Variants in LAMA3 observed in about 807,000 individuals in gnomAD.
The protein encoded by LAMA3 is laminin subunit alpha 3.
LAMA3 carries 281 observed loss-of-function variants against 402.0 expected under a neutral mutation model. The ratio of observed to expected loss-of-function variants is 0.70; its 90% CI spans 0.63 to 0.77. LAMA3 has a LOEUF of 0.77. LAMA3 is among the 30% of genes least tolerant of loss of function. The pLI is 0.00. For synonymous variants in LAMA3, 1,431 were observed against 1,558.4 expected (o/e 0.92, Z 1.93); for missense variants, 3,840 against 4,215.5 (o/e 0.91, Z 2.47).
chr18:23,819,867 A>G lies in LAMA3; in HGVS notation c.2174A>G (p.Asp725Gly). The G allele has an allele frequency of 6.2e-7, 1 of 1,614,106 alleles. No homozygotes were observed. Among genetic ancestry groups the G allele is most frequent in the Non-Finnish European group, 8.5e-7 (1 of 1,179,982 alleles). ...QRPENNYYFP[D>G]LHHMKYEIED... ...CCTGAAAACAACTACTATTTCCCAG[A>G]TTTGCATCATATGAAGTATGAGATT... Residue 725 changes from aspartate to glycine, a missense_variant, in exon 19 of 75, where the codon GAT becomes GGT. Asp to Gly is a moderately conservative substitution (Grantham distance 94, BLOSUM62 -1). Transcript: ENST00000313654.
rs779703974 is a variant in LAMA3 at position 23,946,301 on chromosome 18, A to G, written c.9351+17A>G. Reference sequence around the variant, plus strand: ...AAACCAAAGGTAAATAGTTATGTTCAGAGCCATGGACAGAAACAATTCACC... The same window carrying G: ...AAACCAAAGGTAAATAGTTATGTTCGGAGCCATGGACAGAAACAATTCACC... On this transcript the variant is annotated intron_variant, in intron 70 of 74. Coordinates refer to ENST00000313654, the MANE Select transcript of LAMA3 (RefSeq NM_198129.4). The G allele has an allele frequency of 3.3e-5, 53 of 1,612,912 alleles. 1 individual carries two copies. In the South Asian group the frequency reaches 5.5e-4, roughly 17 times the overall value.
At chr18:23,758,760 C>T (rs747978426) in intron 7 of LAMA3, among the ~76,000 whole-genome samples, 3 of 152,222 alleles carry the variant, frequency 2.0e-5, no homozygotes, top group Non-Finnish European at 4.4e-5. Context: ...TGCTTTAATA[C>T]GTTGACCTCT....
intron 2 of LAMA3, among the ~76,000 whole-genome samples, chr18:23,725,851 CTT>C (rs1233414616): frequency 6.6e-6 from 1 of 152,242 alleles, no homozygotes; most frequent in Non-Finnish European, 1.5e-5. Flanking sequence ...GCACTTCTCT[CTT>C]TAATTCTTAA....
In LAMA3 at chr18:23,914,687, A is replaced by G; in HGVS notation, c.7482-11A>G. On this transcript the variant is annotated splice_polypyrimidine_tract_variant and intron_variant, in intron 57 of 74. Coordinates refer to ENST00000313654, the MANE Select transcript of LAMA3 (RefSeq NM_198129.4). ...TTGTTTAACTTTATTATCTAAATTC[A>G]TTTTAAACAGAATTTATCAGTTTGC... 1 of 1,608,206 alleles carries G rather than the reference A, an allele frequency of 6.2e-7. No individual in the cohort carries two copies. The highest frequency in any genetic ancestry group is 8.5e-7 in the Non-Finnish European group (1 of 1,176,122).
rs61749943 is a variant in LAMA3 at position 23,949,766 on chromosome 18, G to A, written c.9353G>A (p.Ser3118Asn). 4.4e-3 allele frequency: 7,173 copies of A among 1,613,876 alleles called. 263 individuals carry two copies. In the Admixed American group the frequency reaches 0.071, roughly 16 times the overall value. Residue 3118 changes from serine to asparagine, a missense_variant and splice_region_variant, in exon 71 of 75, where the codon AGC becomes AAC. Physicochemically the swap from Ser to Asn is conservative, Grantham distance 46. Around this residue, in one of 3 missense-constraint regions of LAMA3, gnomAD observed 840 missense variants for 981.9 expected, o/e 0.86. Coordinates refer to ENST00000313654, the MANE Select transcript of LAMA3 (RefSeq NM_198129.4). ...LGSPPSGKPK[S>N]LPTNSFVGCL... ...TTTTTCTTTTCTGCTTGGTTGCAGA[G>A]CCTCCCCACAAACAGCTTTGTGGGA...
At chr18:23,898,486 G>A (rs1460277682) in intron 44 of LAMA3, 1 of 524,612 alleles carries the variant, frequency 1.9e-6, no homozygotes, top group Non-Finnish European at 3.4e-6. Flanking sequence ...ATAAGGTTAG[G>A]TCATTAATTC....
At position 23,871,602 on chromosome 18, in the gene LAMA3, A is replaced by C. The variant is rs1172573651; in HGVS notation, c.4939A>C (p.Ile1647Leu). The C allele has an allele frequency of 3.1e-6, 5 of 1,614,058 alleles. No homozygotes were observed. Among genetic ancestry groups the C allele is most frequent in the Non-Finnish European group, 4.2e-6 (5 of 1,179,958 alleles). The stretch of plus-strand genomic sequence containing the variant: ...AGCCTCTGACACAGGAAGTGGGCGC[A>C]TAGCACTTGCTGTGGAAATCTGTGC... ...EEASDTGSGR[I>L]ALAVEICACP... Residue 1647 changes from isoleucine (I) to leucine (L), a missense_variant, in exon 38 of 75, where the codon ATA becomes CTA. This residue lies in a region of LAMA3 where 2,109 missense variants were observed against 2,376.0 expected (regional missense o/e 0.89). Transcript: ENST00000313654.
At chr18:23,755,737 A>G (rs886445384) in intron 6 of LAMA3, among the ~76,000 whole-genome samples, 2 of 152,226 alleles carry the variant, frequency 1.3e-5, no homozygotes, top group Admixed American at 6.5e-5. Flanking sequence ...ATCATAAGCT[A>G]AAAAGTAATA....
At position 23,901,342 on chromosome 18, in the gene LAMA3, G is replaced by T. The variant is rs1216644327; in HGVS notation, c.6201+19G>T. On this transcript the variant is annotated intron_variant, in intron 48 of 74. Transcript: ENST00000313654. ...CATTCAGGTGAGTTCACAGTTTGAA[G>T]TTGCACACTTTCGTTAATAAGGATG... 6.2e-7 allele frequency: 1 copy of T among 1,603,614 alleles called. No individual in the cohort carries two copies. The highest frequency in any genetic ancestry group is 2.2e-5 in the East Asian group (1 of 44,824).
At chr18:23,878,029 C>T (rs947328609) in intron 39 of LAMA3, among the ~76,000 whole-genome samples, 1 of 152,134 alleles carries the variant, frequency 6.6e-6, no homozygotes, top group African/African-American at 2.4e-5. Flanking sequence ...AGGAGAATGG[C>T]GTGAACCCAG....
chr18:23,846,312 C>G lies in LAMA3; in HGVS notation c.3735C>G (p.Ser1245=). The change falls in exon 31 of 75, where the codon TCC becomes TCG. Residue 1245 remains serine (S), a synonymous_variant. Transcript: ENST00000313654. ...GTCTCCACAGCCCCCAGACAGCCTCCAGATTCTGTAAGAATTCCGCCAGGT... is the reference window on the plus strand; with the variant it reads ...GTCTCCACAGCCCCCAGACAGCCTCGAGATTCTGTAAGAATTCCGCCAGGT... ...NSFYLDPQTA[S]RFCKNSARSL... 6.2e-7 allele frequency: 1 copy of G among 1,614,238 alleles called. No individual in the cohort carries two copies. Among genetic ancestry groups the G allele is most frequent in the Middle Eastern group, 1.6e-4 (1 of 6,062 alleles).
At chr18:23,865,506 G>A (rs951698503) in intron 36 of LAMA3, among the ~76,000 whole-genome samples, 2 of 152,018 alleles carry the variant, frequency 1.3e-5, no homozygotes, top group Non-Finnish European at 2.9e-5. Context: ...CCTTACCACG[G>A]GGCAAGATCA....
chr18:23,907,790 C>T lies in LAMA3; in HGVS notation c.6870C>T (p.Ser2290=), dbSNP rs2081297747. ...ATGCTATGATCAGTAGTGCAAAGAG[C>T]ATGGTCAGAAAGGCCAACGACATCA... is the stretch of plus-strand genomic sequence containing the variant. ...DIDAMISSAK[S]MVRKANDITD... The change falls in exon 54 of 75, where the codon AGC becomes AGT. Residue 2290 remains serine (S), a synonymous_variant. Transcript: ENST00000313654. 1 of 1,614,064 alleles carries T rather than the reference C, an allele frequency of 6.2e-7. No homozygotes were observed. Among genetic ancestry groups the T allele is most frequent in the African/African-American group, 1.3e-5 (1 of 74,914 alleles).
chr18:23,729,945 A>G (rs2061363185), intron 2 of LAMA3, among the ~76,000 whole-genome samples: 1 of 152,240 alleles, frequency 6.6e-6, no homozygotes, highest in South Asian at 2.1e-4. Flanking sequence ...GTGTTTGGTC[A>G]TAATTGCTGT....
At chr18:23,842,036 C>T (rs1258397331) in intron 27 of LAMA3, among the ~76,000 whole-genome samples, 1 of 152,076 alleles carries the variant, frequency 6.6e-6, no homozygotes, top group Non-Finnish European at 1.5e-5. Flanking sequence ...GGATATGTAC[C>T]CAGAAGGCCA....
chr18:23,895,068 C>G lies in LAMA3; in HGVS notation c.5613+10C>G. The G allele has an allele frequency of 6.3e-7, 1 of 1,584,596 alleles. No individual in the cohort carries two copies. The highest frequency in any genetic ancestry group is 2.3e-5 in the East Asian group (1 of 43,290). On this transcript the variant is annotated intron_variant, in intron 44 of 74. Coordinates refer to ENST00000313654, the MANE Select transcript of LAMA3 (RefSeq NM_198129.4). ...GGCCAAGGACCTGAGGGTAAATCCC[C>G]TGCGGCCGAGAGTAGACACGTGGGG...
chr18:23,838,661 A>G, intron 25 of LAMA3, 120 bp from the exon 26 acceptor site: 1 of 707,686 alleles, frequency 1.4e-6, no homozygotes, highest in Non-Finnish European at 2.6e-6. Context: ...TAAAATAACG[A>G]TTAGAATTAT....
chr18:23,733,078 T>C (rs2061419149), intron 2 of LAMA3, among the ~76,000 whole-genome samples: 1 of 152,104 alleles, frequency 6.6e-6, no homozygotes, highest in African/African-American at 2.4e-5. Flanking sequence ...GGTTTGGGAC[T>C]AATCAGCAGC....
chr18:23,778,683 TCTC>T (rs1269113510), intron 11 of LAMA3, among the ~76,000 whole-genome samples: 1 of 152,060 alleles, frequency 6.6e-6, no homozygotes, highest in African/African-American at 2.4e-5. Flanking sequence ...CATGCTCACA[TCTC>T]CTGAGTTTGC....
Sources: gnomAD v4.1 joint callset for allele counts (sites outside exome capture counted in the v4.1 genomes callset) on GRCh38, gnomAD v4.1.1 for gene constraint, gnomAD v4.1.1 regional missense constraint, MANE v1.5 for transcripts, NCBI Gene and HGNC (gene_info 2026-07-23, HGNC 2026-07-21) for gene names.